Variants in TNPO2 observed in about 807,000 individuals in gnomAD.
TNPO2 encodes transportin-2.
In TNPO2, 16 loss-of-function variants were observed where a neutral mutation model predicts 111.1. That is an observed-to-expected ratio of 0.14 (90% confidence interval 0.10 to 0.22). TNPO2 has a LOEUF of 0.22. TNPO2 is among the 10% of genes least tolerant of loss of function. TNPO2 has a pLI of 1.00. For synonymous variants in TNPO2, 481 were observed against 475.8 expected, an observed-to-expected ratio of 1.01 and a Z score of -0.14; for missense variants, 530 against 1,173.7, an observed-to-expected ratio of 0.45 and a Z score of 8.01.
intron 10 of TNPO2, 37 bp from the exon 11 acceptor site, chr19:12,711,650 C>T: frequency 6.3e-7 from 1 of 1,598,934 alleles, no homozygotes; most frequent in Admixed American, 1.7e-5. Flanking sequence ...GATGCAGGGG[C>T]CGTGGCAAAA....
Position 12,699,802 on chromosome 19 carries a change from C to T in TNPO2, c.*1462G>A, listed in dbSNP as rs2025193355. 1 of 152,346 alleles carries T rather than the reference C, an allele frequency of 6.6e-6. No individual in the cohort carries two copies. The highest frequency in any genetic ancestry group is 2.1e-4 in the South Asian group (1 of 4,826). 9.4% of individuals were successfully genotyped at this position (152,346 alleles called of 1,614,324 possible). ...GGGCCTGACCCTGACTATGGAAAGA[C>T]ACAGGGCTTGGATGGAGGGTCTGGC... is the stretch of plus-strand genomic sequence containing the variant. On this transcript the variant is annotated 3_prime_UTR_variant, in exon 26 of 26. Coordinates refer to ENST00000425528, the MANE Select transcript of TNPO2 (RefSeq NM_001382241.1).
At chr19:12,703,623 C>A in intron 19 of TNPO2, 91 bp downstream of exon 19, 1 of 1,571,280 alleles carries the variant, frequency 6.4e-7, no homozygotes, top group Non-Finnish European at 8.7e-7. Flanking sequence ...CGAATACATC[C>A]CAATGTGGTC....
rs1599410383 is a variant in TNPO2, at chr19:12,705,797, C to T, written c.1669-29G>A. 7.0e-7 allele frequency: 1 copy of T among 1,433,100 alleles called. No homozygotes were observed. Among genetic ancestry groups the T allele is most frequent in the East Asian group, 2.5e-5 (1 of 39,896 alleles). 88.8% of individuals were successfully genotyped at this position (1,433,100 alleles called of 1,614,324 possible). On this transcript the variant is annotated intron_variant, in intron 15 of 25. Transcript: ENST00000425528. The surrounding 1 kb of genome is among the most constrained non-coding windows in gnomAD (Gnocchi z 7.2). ...GAGAGGGAGCACGAAATGGGCGCTC[C>T]CTGGGTCGGGGTGGCAGACTGTGAC...
intron 2 of TNPO2, chr19:12,722,373 C>T (rs1414817473): frequency 2.7e-5 from 4 of 149,842 alleles, no homozygotes; most frequent in Admixed American, 6.6e-5. Flanking sequence ...CCCGGTCGGG[C>T]GCGGCCCCGA....
chr19:12,701,289 C>A lies in TNPO2; in HGVS notation c.*20+37G>T. On this transcript the variant is annotated intron_variant, in intron 25 of 25. Coordinates refer to ENST00000425528, the MANE Select transcript of TNPO2 (RefSeq NM_001382241.1). This position sits in a 1 kb window ranked among gnomAD's most constrained non-coding sequence, Gnocchi z 5.0. ...TCATGGCCTGGGACCTTTCGGCCCC[C>A]AAGACAGTGCTGACTTGCCAGCTGC... 1 of 1,457,718 alleles carries A rather than the reference C, an allele frequency of 6.9e-7. No homozygotes were observed. Among genetic ancestry groups the A allele is most frequent in the Non-Finnish European group, 9.6e-7 (1 of 1,044,992 alleles). 90.3% of individuals were successfully genotyped at this position (1,457,718 alleles called of 1,614,324 possible). A position where few individuals can be genotyped will look rare whatever the true frequency, so the allele number is the denominator to read the frequency against.
intron 20 of TNPO2, chr19:12,703,153 C>T (rs1568331473): frequency 1.7e-6 from 1 of 587,154 alleles, no homozygotes; most frequent in Non-Finnish European, 3.0e-6. Context: ...AAGGTGACAA[C>T]ACGCTGCCCA....
intron 2 of TNPO2, among the ~76,000 whole-genome samples, chr19:12,723,008 G>A (rs926795137): frequency 6.6e-6 from 1 of 152,128 alleles, no homozygotes; most frequent in Non-Finnish European, 1.5e-5. Flanking sequence ...CTGTGTGTGC[G>A]CAAGGAAAGA....
At chr19:12,710,804 G>C (rs773823714) in intron 12 of TNPO2, 31 bp from the exon 13 acceptor site, 1 of 1,581,004 alleles carries the variant, frequency 6.3e-7, no homozygotes, top group Non-Finnish European at 8.6e-7. Context: ...GGGAGGCTCA[G>C]GGCGGCCCCT....
Position 12,707,286 on chromosome 19 carries a change from C to T in TNPO2, c.1271-491G>A, listed in dbSNP as rs373862514. ...TGCTGGGATTACAGGCGTGAGCCAC[C>T]GCGCCCAGCCAAAGAGCTCCGTGTT... is the stretch of plus-strand genomic sequence containing the variant. On this transcript the variant is annotated intron_variant, in intron 13 of 25. Coordinates refer to ENST00000425528, the MANE Select transcript of TNPO2 (RefSeq NM_001382241.1). Among the ~76,000 whole-genome samples, 4 of 151,944 alleles carry T rather than the reference C, an allele frequency of 2.6e-5. No individual in the cohort carries two copies. The South Asian group carries it at 8.3e-4, about 32-fold the overall frequency.
chr19:12,711,186 G>T (rs558325830), intron 12 of TNPO2, 110 bp downstream of exon 12: 1 of 1,443,392 alleles, frequency 6.9e-7, no homozygotes, highest in African/African-American at 1.4e-5. Flanking sequence ...AAGCCACTGC[G>T]CCCGGCCACG....
intron 12 of TNPO2, 183 bp downstream of exon 12, chr19:12,711,113 G>A: frequency 1.4e-6 from 1 of 729,796 alleles, no homozygotes; most frequent in Non-Finnish European, 2.2e-6. Context: ...CCAGGATGGT[G>A]TTGATCTCCT....
In TNPO2 at chr19:12,721,306, C is replaced by T. The variant is rs1326990003; in HGVS notation, c.-13-316G>A. The T allele has an allele frequency of 1.3e-5, 17 of 1,290,692 alleles. No individual in the cohort carries two copies. The highest frequency in any genetic ancestry group is 1.7e-5 in the Non-Finnish European group (17 of 1,001,774). 80.0% of individuals were successfully genotyped at this position (1,290,692 alleles called of 1,614,324 possible). On this transcript the variant is annotated intron_variant, in intron 2 of 25. Coordinates refer to ENST00000425528, the MANE Select transcript of TNPO2 (RefSeq NM_001382241.1). This position sits in a 1 kb window ranked among gnomAD's most constrained non-coding sequence, Gnocchi z 4.9. ...GGGTGGCCCATGCCGCTGACCCCGG[C>T]TCCGAGCCCGAAGGCTTCCACCTCC... is the stretch of plus-strand genomic sequence containing the variant.
In TNPO2 at chr19:12,719,480, C is replaced by G. The variant is rs1223874446; in HGVS notation, c.100-144G>C. 3 of 702,896 alleles carry G rather than the reference C, an allele frequency of 4.3e-6. No homozygotes were observed. Among genetic ancestry groups the G allele is most frequent in the Non-Finnish European group, 7.6e-6 (3 of 395,846 alleles). The allele number at this position is 702,896 out of a possible 1,614,324, so 43.5% of individuals were successfully genotyped here. On this transcript the variant is annotated intron_variant, in intron 3 of 25. Coordinates refer to ENST00000425528, the MANE Select transcript of TNPO2 (RefSeq NM_001382241.1). The surrounding 1 kb of genome is among the most constrained non-coding windows in gnomAD (Gnocchi z 5.0). ...GCTCCCTAATAAGCCCACAATGACA[C>G]AGAGCACCTCAGACACGTCAAATTC...
At chr19:12,714,732 G>C in intron 10 of TNPO2, 89 bp downstream of exon 10, 3 of 1,011,790 alleles carry the variant, frequency 3.0e-6, no homozygotes, top group Non-Finnish European at 3.1e-6. Context: ...TGTGGACTGA[G>C]AGAAGCACAG....
At position 12,715,389 on chromosome 19, in the gene TNPO2, A is replaced by AGGGGTGCAG; in HGVS notation, c.566+15_566+16insCTGCACCCC. ...CACTCCAGGCTCCCTGGAAGCCCCC[A>AGGGGTGCAG]GGGAGCTGCACCCACCGGATCTTGG... On this transcript the variant is annotated intron_variant, in intron 7 of 25. Coordinates refer to ENST00000425528, the MANE Select transcript of TNPO2 (RefSeq NM_001382241.1). The surrounding 1 kb of genome is among the most constrained non-coding windows in gnomAD (Gnocchi z 7.1). 1 of 1,613,864 alleles carries AGGGGTGCAG rather than the reference A, an allele frequency of 6.2e-7. No homozygotes were observed. Among genetic ancestry groups the AGGGGTGCAG allele is most frequent in the Non-Finnish European group, 8.5e-7 (1 of 1,179,828 alleles).
intron 10 of TNPO2, among the ~76,000 whole-genome samples, chr19:12,712,251 C>T (rs992098224): frequency 6.6e-6 from 1 of 152,206 alleles, no homozygotes; most frequent in Non-Finnish European, 1.5e-5. Context: ...TGGGAAGACG[C>T]CCGTTACCAG....
At chr19:12,714,770 A>G (rs2026270559) in intron 10 of TNPO2, 51 bp downstream of exon 10, 2 of 1,461,526 alleles carry the variant, frequency 1.4e-6, no homozygotes, top group African/African-American at 2.8e-5. Flanking sequence ...AGGCAGAGGC[A>G]TAGCAAGGGG....
Position 12,703,877 on chromosome 19 carries a change from G to GCTCA in TNPO2, c.2023-77_2023-76insTGAG, listed in dbSNP as rs1258471607. The GCTCA allele has an allele frequency of 6.6e-4, 854 of 1,303,172 alleles. 8 individuals carry two copies. The African/African-American group carries it at 0.011, about 16-fold the overall frequency. The allele number at this position is 1,303,172 out of a possible 1,614,324, so 80.7% of individuals were successfully genotyped here. A position where few individuals can be genotyped will look rare whatever the true frequency, so the allele number is the denominator to read the frequency against. ...GGACAGCTCAGGGGGCACAGTCCCTGGTGCATGTCCAGCCTCTGCCACTTT... is the reference window on the plus strand; with the variant it reads ...GGACAGCTCAGGGGGCACAGTCCCTGCTCAGTGCATGTCCAGCCTCTGCCACTTT... On this transcript the variant is annotated intron_variant, in intron 18 of 25. Transcript: ENST00000425528.
Position 12,703,695 on chromosome 19 carries a change from G to A in TNPO2, c.2110+19C>T. ...GCCGGGGCTGGGGTCATGGGTTAGG[G>A]ACAAGGCGAGTGTCGTACCGATACA... On this transcript the variant is annotated intron_variant, in intron 19 of 25. Transcript: ENST00000425528. The A allele has an allele frequency of 6.2e-7, 1 of 1,605,140 alleles. No homozygotes were observed. The highest frequency in any genetic ancestry group is 8.5e-7 in the Non-Finnish European group (1 of 1,175,534).
Sources: allele counts gnomAD v4.1 joint callset (sites outside exome capture counted in the v4.1 genomes callset), GRCh38; gene constraint gnomAD v4.1.1; non-coding constraint Gnocchi (gnomAD v3.1); transcripts MANE v1.5; gene names NCBI Gene and HGNC (gene_info 2026-07-23, HGNC 2026-07-21).